Variants in SLC30A8 observed in about 807,000 individuals in gnomAD.
SLC30A8 encodes proton-coupled zinc antiporter SLC30A8.
Under a neutral mutation model 36.9 loss-of-function variants are expected in SLC30A8, and 27 were observed. The ratio of observed to expected loss-of-function variants is 0.73; its 90% CI spans 0.54 to 1.01. SLC30A8 has a LOEUF of 1.01. Among genes scored for constraint, SLC30A8 ranks in the 50% least tolerant of loss-of-function variants. SLC30A8 has a pLI of 0.00. For synonymous variants in SLC30A8, 164 were observed against 172.4 expected, an observed-to-expected ratio of 0.95 and a Z score of 0.38; for missense variants, 439 against 452.0, an observed-to-expected ratio of 0.97 and a Z score of 0.26.
intron 1 of SLC30A8, among the ~76,000 whole-genome samples, chr8:117,030,147 A>G (rs1350848735): frequency 6.6e-6 from 1 of 152,098 alleles, no homozygotes; most frequent in African/African-American, 2.4e-5. Flanking sequence ...TGGGTATATC[A>G]GGGGACATGT....
At position 117,157,784 on chromosome 8, in the gene SLC30A8, AC is replaced by A. The variant is rs1325201664; in HGVS notation, c.514del (p.Gln172ArgfsTer6). ...TGTGAGCGCCTGCTGTATCCTGATT[AC>A]CAGATCCAGGCGACTGTGATGATCA... ...LACERLLYPDYQIQATVMIIV... is the reference protein window; with the variant it reads ...LACERLLYPDXQIQATVMIIV... On this transcript the variant is annotated frameshift_variant, in exon 4 of 8. Transcript: ENST00000456015. LOFTEE classifies it high-confidence loss of function. 1.2e-6 allele frequency: 2 copies of A among 1,613,994 alleles called. No individual in the cohort carries two copies. The highest frequency in any genetic ancestry group is 4.5e-5 in the East Asian group (2 of 44,880).
chr8:116,991,568 T>C (rs1381216833), intron 1 of SLC30A8, among the ~76,000 whole-genome samples: 1 of 152,184 alleles, frequency 6.6e-6, no homozygotes, highest in African/African-American at 2.4e-5. Context: ...TCTCCCAAAG[T>C]GCTAGGATTA....
intron 6 of SLC30A8, among the ~76,000 whole-genome samples, chr8:117,170,192 C>A (rs1051975157): frequency 6.6e-6 from 1 of 152,148 alleles, no homozygotes; most frequent in African/African-American, 2.4e-5. Flanking sequence ...AAAATCTCCT[C>A]TGGTAATACT....
chr8:117,040,991 C>T (rs1044517445), intron 2 of SLC30A8, among the ~76,000 whole-genome samples: 3 of 152,052 alleles, frequency 2.0e-5, no homozygotes, highest in Non-Finnish European at 4.4e-5. Context: ...AACCAAAGAA[C>T]CAGTCACCCA....
At chr8:116,975,539 G>C (rs1167832497) in intron 1 of SLC30A8, among the ~76,000 whole-genome samples, 9 of 152,148 alleles carry the variant, frequency 5.9e-5, no homozygotes, top group Admixed American at 5.9e-4. Flanking sequence ...TTAAGGCCTT[G>C]GCAATATGTT....
chr8:117,110,411 G>T (rs1192012008), intron 2 of SLC30A8, among the ~76,000 whole-genome samples: 2 of 152,186 alleles, frequency 1.3e-5, no homozygotes, highest in Admixed American at 6.5e-5. Context: ...AATGACGTAA[G>T]GTCACCATGT....
intron 3 of SLC30A8, among the ~76,000 whole-genome samples, chr8:117,153,659 C>CA (rs58078192): frequency 0.39 from 59,748 of 151,732 alleles, 14,365 homozygotes; most frequent in African/African-American, 0.68. Context: ...TCCTTTCTTG[C>CA]GCTGGTTCCT....
chr8:117,002,527 A>C (rs1401311414), intron 1 of SLC30A8, among the ~76,000 whole-genome samples: 1 of 152,224 alleles, frequency 6.6e-6, no homozygotes, highest in Non-Finnish European at 1.5e-5. Context: ...CTGAAAGTTA[A>C]AAATTTCTAG....
chr8:117,171,015 A>G lies in SLC30A8; in HGVS notation c.830-19A>G, dbSNP rs114074793. ...ATCTAGTTGAATAACTACAGCCTCCATCTCTTCCCTTTTGTCAGGTGTGCC... is the reference window on the plus strand; with the variant it reads ...ATCTAGTTGAATAACTACAGCCTCCGTCTCTTCCCTTTTGTCAGGTGTGCC... On this transcript the variant is annotated intron_variant, in intron 6 of 7. Transcript: ENST00000456015. 3 of 1,568,382 alleles carry G rather than the reference A, an allele frequency of 1.9e-6. No homozygotes were observed. The highest frequency in any genetic ancestry group is 1.2e-5 in the South Asian group (1 of 81,596).
chr8:117,160,430 T>TGCGCGCGCGCAC (rs1822723553), intron 4 of SLC30A8, among the ~76,000 whole-genome samples: 5 of 145,166 alleles, frequency 3.4e-5, no homozygotes, highest in African/African-American at 1.4e-4. Flanking sequence ...TGTGTGTGTG[T>TGCGCGCGCGCAC]GTGTGCGCGC....
At position 117,174,569 on chromosome 8, in the gene SLC30A8, C is replaced by G. The variant is rs75043555; in HGVS notation, c.*1888C>G. 0.083 allele frequency: 12,703 copies of G among 152,586 alleles called. 676 individuals carry two copies. The highest frequency in any genetic ancestry group is 0.12 in the Non-Finnish European group (7,849 of 67,990). The allele number at this position is 152,586 out of a possible 1,614,324, so 9.5% of individuals were successfully genotyped here. ...GAATGGTTTATGCCAAATCACTTTT[C>G]CTGTCTGAAGGACCACTGAATGGTT... On this transcript the variant is annotated 3_prime_UTR_variant, in exon 8 of 8. Transcript: ENST00000456015.
At chr8:117,098,674 CTGTT>C (rs1819574948) in intron 2 of SLC30A8, among the ~76,000 whole-genome samples, 1 of 152,068 alleles carries the variant, frequency 6.6e-6, no homozygotes, top group Admixed American at 6.6e-5. Flanking sequence ...AATAAACAGA[CTGTT>C]TGGGATGGGG....
intron 2 of SLC30A8, among the ~76,000 whole-genome samples, chr8:117,126,011 CCT>C (rs1261122336): frequency 6.6e-6 from 1 of 151,872 alleles, no homozygotes; most frequent in Non-Finnish European, 1.5e-5. Context: ...ACGATCTTCT[CCT>C]CTCTCTAGCT....
intron 1 of SLC30A8, among the ~76,000 whole-genome samples, chr8:116,956,433 A>G (rs1005203419): frequency 6.6e-6 from 1 of 152,242 alleles, no homozygotes; most frequent in Non-Finnish European, 1.5e-5. Flanking sequence ...TTTCGATTTC[A>G]TCGAAAATGA....
chr8:116,978,605 T>C (rs1207955407), intron 1 of SLC30A8, among the ~76,000 whole-genome samples: 2 of 152,194 alleles, frequency 1.3e-5, no homozygotes, highest in Non-Finnish European at 2.9e-5. Flanking sequence ...CTTATTACAG[T>C]ATGTGCAAGA....
At chr8:117,017,381 C>T (rs77707282) in intron 1 of SLC30A8, among the ~76,000 whole-genome samples, 3,497 of 152,322 alleles carry the variant, frequency 0.023, 122 homozygotes, top group African/African-American at 0.08. Context: ...AAGGTTTCTT[C>T]ATCCCTGTAC....
At chr8:116,987,948 C>T (rs1230563796) in intron 1 of SLC30A8, among the ~76,000 whole-genome samples, 1 of 152,228 alleles carries the variant, frequency 6.6e-6, no homozygotes, top group Non-Finnish European at 1.5e-5. Context: ...ATCCGCCTGC[C>T]TTGGCCTCCC....
At chr8:116,998,846 C>T (rs965992946) in intron 1 of SLC30A8, among the ~76,000 whole-genome samples, 3 of 152,156 alleles carry the variant, frequency 2.0e-5, no homozygotes, top group Non-Finnish European at 2.9e-5. Flanking sequence ...CTAATACCTT[C>T]GGAGGGAGTA....
intron 1 of SLC30A8, among the ~76,000 whole-genome samples, chr8:116,973,512 C>A (rs1586345923): frequency 6.6e-6 from 1 of 152,300 alleles, no homozygotes; most frequent in East Asian, 1.9e-4. Context: ...GGGAGAACTA[C>A]AAACCGCTGC....
Sources: gnomAD v4.1 joint callset for allele counts (sites outside exome capture counted in the v4.1 genomes callset) on GRCh38, gnomAD v4.1.1 for gene constraint, MANE v1.5 for transcripts, NCBI Gene and HGNC (gene_info 2026-07-23, HGNC 2026-07-21) for gene names.